The following ROBO2 variants were observed in gnomAD, a reference collection of about 807,000 sequenced individuals.
ROBO2 encodes roundabout guidance receptor 2, also known as roundabout homolog 2.
In ROBO2, 53 loss-of-function variants were observed where a neutral mutation model predicts 160.8. The observed-to-expected ratio is 0.33, with a 90% CI of 0.26 to 0.41. ROBO2 has a LOEUF of 0.41. ROBO2 is among the 10% of genes least tolerant of loss of function. ROBO2 has a pLI of 1.00. For synonymous variants in ROBO2, 664 were observed against 611.7 expected (o/e 1.09, Z -1.26); for missense variants, 1,577 against 1,722.4 (o/e 0.92, Z 1.49).
At chr3:77,634,660 G>A (rs966287486) in intron 23 of ROBO2, 25 of 564,730 alleles carry the variant, frequency 4.4e-5, no homozygotes, top group Non-Finnish European at 6.0e-5. Context: ...GGGCCAGTGG[G>A]GGTGTTGTTA....
At position 76,693,922 on chromosome 3, in the gene ROBO2, C is replaced by G. The variant is rs79056856; in HGVS notation, c.110-404092C>G. On this transcript the variant is annotated intron_variant, in intron 2 of 26. Transcript: ENST00000487694. ...AGTTCATTGATTCAAGTATCAGTCT[C>G]TCCTGGAAACATCCTCACAGACATA... is the stretch of plus-strand genomic sequence containing the variant. Among the ~76,000 whole-genome samples, 1,221 of 152,306 alleles carry G rather than the reference C, an allele frequency of 8.0e-3. 22 individuals carry two copies. The highest frequency in any genetic ancestry group is 0.028 in the African/African-American group (1,171 of 41,580).
At chr3:75,924,938 T>C (rs1947225874) in intron 1 of ROBO2, among the ~76,000 whole-genome samples, 1 of 151,928 alleles carries the variant, frequency 6.6e-6, no homozygotes, top group Non-Finnish European at 1.5e-5. Context: ...TCCGCCCGCC[T>C]CGGCCTCCCA....
intron 1 of ROBO2, among the ~76,000 whole-genome samples, chr3:75,919,536 T>C (rs1007855056): frequency 1.1e-4 from 17 of 152,228 alleles, no homozygotes; most frequent in African/African-American, 4.1e-4. Flanking sequence ...GGAATCAGAA[T>C]GATGCTGGCC....
chr3:75,937,624 T>C (rs561586185), intron 2 of ROBO2: 74 of 1,411,488 alleles, frequency 5.2e-5, no homozygotes, highest in Non-Finnish European at 6.3e-5. Flanking sequence ...GATGTTCTAA[T>C]TCTTTGAGAG....
Position 76,173,518 on chromosome 3 carries a change from C to G in ROBO2, c.109+235916C>G, listed in dbSNP as rs141789444. Reference sequence around the variant, plus strand: ...CCTAATGCTCTCCCTCCCCTTGACCCCCACCCCTGACAGGCCCCAATGTGC... The same window carrying G: ...CCTAATGCTCTCCCTCCCCTTGACCGCCACCCCTGACAGGCCCCAATGTGC... On this transcript the variant is annotated intron_variant, in intron 2 of 26. Coordinates refer to the ROBO2 transcript ENST00000487694. Among the ~76,000 whole-genome samples the G allele has an allele frequency of 4.1e-4, 63 of 151,946 alleles. No individual in the cohort carries two copies. The East Asian group carries it at 0.011, about 27-fold the overall frequency.
At chr3:76,746,771 T>C (rs545477265) in intron 2 of ROBO2, among the ~76,000 whole-genome samples, 1 of 152,288 alleles carries the variant, frequency 6.6e-6, no homozygotes, top group South Asian at 2.1e-4. Flanking sequence ...AAGCCCAGCA[T>C]GCATTAGCTG....
chr3:76,672,463 T>C (rs1458642256), intron 2 of ROBO2, among the ~76,000 whole-genome samples: 1 of 152,188 alleles, frequency 6.6e-6, no homozygotes. Context: ...TTTTGAGGGA[T>C]CTTACCATAG....
intron 2 of ROBO2, among the ~76,000 whole-genome samples, chr3:76,995,223 G>T (rs2060926446): frequency 6.6e-6 from 1 of 151,358 alleles, no homozygotes. Flanking sequence ...CTTTGTGATA[G>T]TTTGCTGAGA....
chr3:76,622,266 GA>G (rs1407848224), intron 2 of ROBO2, among the ~76,000 whole-genome samples: 1 of 74,452 alleles, frequency 1.3e-5, no homozygotes, highest in Non-Finnish European at 2.9e-5. Flanking sequence ...AAGAAAGAAA[GA>G]AAGAAAGAAA....
intron 1 of ROBO2, among the ~76,000 whole-genome samples, chr3:77,096,525 T>C (rs2071087046): frequency 6.6e-6 from 1 of 151,790 alleles, no homozygotes; most frequent in Non-Finnish European, 1.5e-5. Context: ...CTTGGCTCAC[T>C]GCAACCTCTG....
chr3:76,210,189 T>G (rs1297220865), intron 2 of ROBO2, among the ~76,000 whole-genome samples: 1 of 152,136 alleles, frequency 6.6e-6, no homozygotes, highest in Admixed American at 6.6e-5. Context: ...TAAGCAATTT[T>G]TAAGAAACCT....
At chr3:76,971,190 T>A (rs2059555278) in intron 2 of ROBO2, among the ~76,000 whole-genome samples, 1 of 152,138 alleles carries the variant, frequency 6.6e-6, no homozygotes, top group Non-Finnish European at 1.5e-5. Context: ...AAAAGCCCAT[T>A]TTTATTCCGA....
At chr3:76,509,972 A>G (rs1314929497) in intron 2 of ROBO2, among the ~76,000 whole-genome samples, 2 of 152,064 alleles carry the variant, frequency 1.3e-5, no homozygotes, top group African/African-American at 2.4e-5. Context: ...CCCAAGGCGA[A>G]TATAGACTCT....
At chr3:77,178,627 G>A (rs778796991) in intron 2 of ROBO2, among the ~76,000 whole-genome samples, 1 of 151,972 alleles carries the variant, frequency 6.6e-6, no homozygotes, top group Non-Finnish European at 1.5e-5. Context: ...CTTTGAATAA[G>A]TGTCATTTTT....
chr3:76,668,698 T>C (rs944808537), intron 2 of ROBO2, among the ~76,000 whole-genome samples: 2 of 151,834 alleles, frequency 1.3e-5, no homozygotes, highest in African/African-American at 4.8e-5. Context: ...GTGTTTTGCC[T>C]GTTAAAACAT....
chr3:76,125,558 A>G (rs1398717637), intron 2 of ROBO2, among the ~76,000 whole-genome samples: 1 of 152,012 alleles, frequency 6.6e-6, no homozygotes, highest in Non-Finnish European at 1.5e-5. Flanking sequence ...CTGCGGTGTT[A>G]TCTCATTGTG....
At chr3:76,973,567 T>A (rs1387569890) in intron 2 of ROBO2, among the ~76,000 whole-genome samples, 1 of 152,154 alleles carries the variant, frequency 6.6e-6, no homozygotes, top group Non-Finnish European at 1.5e-5. Context: ...TATACCTTAT[T>A]ATCAATAGCA....
At chr3:76,876,677 GA>G (rs1014822726) in intron 2 of ROBO2, among the ~76,000 whole-genome samples, 241 of 131,684 alleles carry the variant, frequency 1.8e-3, no homozygotes, top group African/African-American at 4.3e-3. Context: ...TCTGTCTCAA[GA>G]AAAAAAAAAA....
At chr3:76,598,152 T>TG (rs1220995488) in intron 2 of ROBO2, among the ~76,000 whole-genome samples, 6 of 150,720 alleles carry the variant, frequency 4.0e-5, no homozygotes, top group African/African-American at 1.5e-4. Flanking sequence ...TTACACTGAG[T>TG]GAAAAAAAAA....
Sources: allele counts gnomAD v4.1 joint callset (sites outside exome capture counted in the v4.1 genomes callset), GRCh38; gene constraint gnomAD v4.1.1; transcripts MANE v1.5; gene names NCBI Gene and HGNC (gene_info 2026-07-23, HGNC 2026-07-21).